The following TSPAN18 variants were observed in gnomAD, a reference collection of about 807,000 sequenced individuals.
TSPAN18 encodes the protein tetraspanin-18.
TSPAN18 carries 14 observed loss-of-function variants against 27.3 expected under a neutral mutation model. That is an observed-to-expected ratio of 0.51 (90% CI 0.34 to 0.80). The LOEUF (loss-of-function observed/expected upper bound fraction) is 0.80, where lower values mean the gene tolerates loss of function less well. Ranked by LOEUF, TSPAN18 falls within the 30% of genes least tolerant of loss-of-function variation. The pLI, the probability that TSPAN18 is intolerant of heterozygous loss-of-function variation, is 0.01. For missense variants in TSPAN18, 268 were observed against 323.9 expected (o/e 0.83, Z 1.32); for synonymous variants, 143 against 136.5 (o/e 1.05, Z -0.33).
chr11:44,921,539 C>T (rs1301660783), intron 8 of TSPAN18, among the ~76,000 whole-genome samples: 1 of 152,182 alleles, frequency 6.6e-6, no homozygotes. Flanking sequence ...ACTTGAGTCA[C>T]ATCCTTAAGA....
intron 1 of TSPAN18, among the ~76,000 whole-genome samples, chr11:44,751,257 G>C (rs1488281490): frequency 6.6e-6 from 1 of 152,166 alleles, no homozygotes; most frequent in African/African-American, 2.4e-5. Flanking sequence ...TTCTGGGAGT[G>C]GGTGGAGAAC....
intron 2 of TSPAN18, among the ~76,000 whole-genome samples, chr11:44,829,706 A>G (rs1857115764): frequency 6.6e-6 from 1 of 152,144 alleles, no homozygotes; most frequent in South Asian, 2.1e-4. Flanking sequence ...ATTAAGGAGT[A>G]CAATTTTTGG....
chr11:44,839,787 C>T (rs1857334635), intron 2 of TSPAN18, among the ~76,000 whole-genome samples: 1 of 152,132 alleles, frequency 6.6e-6, no homozygotes, highest in African/African-American at 2.4e-5. Context: ...CAGGGGGCAA[C>T]CAGAGGACAG....
At chr11:44,741,451 G>A (rs1470341640) in intron 1 of TSPAN18, among the ~76,000 whole-genome samples, 2 of 150,694 alleles carry the variant, frequency 1.3e-5, no homozygotes, top group Admixed American at 1.3e-4. Context: ...ACATGTATGT[G>A]TGTGTGTGTG....
chr11:44,733,212 A>G (rs1277353410), intron 1 of TSPAN18, among the ~76,000 whole-genome samples: 1 of 152,234 alleles, frequency 6.6e-6, no homozygotes, highest in East Asian at 1.9e-4. Context: ...TTACCCTAGT[A>G]GAGTGCTTTA....
At chr11:44,878,430 G>T (rs758723548) in intron 3 of TSPAN18, among the ~76,000 whole-genome samples, 4 of 152,154 alleles carry the variant, frequency 2.6e-5, no homozygotes, top group Middle Eastern at 3.2e-3. Flanking sequence ...CCCGGGGGAG[G>T]TTTCCTTTGG....
At chr11:44,894,394 C>G (rs1858964207) in intron 3 of TSPAN18, among the ~76,000 whole-genome samples, 1 of 152,248 alleles carries the variant, frequency 6.6e-6, no homozygotes. Flanking sequence ...CAGCCCAAAC[C>G]TTCCTCCACT....
intron 3 of TSPAN18, among the ~76,000 whole-genome samples, chr11:44,900,852 C>T (rs922128104): frequency 5.3e-5 from 8 of 151,918 alleles, no homozygotes; most frequent in African/African-American, 1.9e-4. Context: ...TGCCACCACC[C>T]CCAGCTAATT....
chr11:44,922,390 T>C (rs779097731), intron 8 of TSPAN18, among the ~76,000 whole-genome samples: 11 of 152,204 alleles, frequency 7.2e-5, no homozygotes, highest in Non-Finnish European at 1.6e-4. Context: ...AGTGCTGGGA[T>C]TACAGGCATG....
At chr11:44,928,690 G>A (rs1468635028) in intron 9 of TSPAN18, among the ~76,000 whole-genome samples, 1 of 152,192 alleles carries the variant, frequency 6.6e-6, no homozygotes, top group Non-Finnish European at 1.5e-5. Context: ...GGAGGCTGAG[G>A]CAGGAGAATT....
intron 8 of TSPAN18, among the ~76,000 whole-genome samples, chr11:44,922,954 CAAA>C (rs914500462): frequency 5.3e-5 from 8 of 152,116 alleles, no homozygotes; most frequent in African/African-American, 1.9e-4. Flanking sequence ...ACTAAAAATA[CAAA>C]AATTAGCCTG....
intron 1 of TSPAN18, among the ~76,000 whole-genome samples, chr11:44,734,589 T>C (rs1216039019): frequency 6.6e-6 from 1 of 152,254 alleles, no homozygotes; most frequent in East Asian, 1.9e-4. Flanking sequence ...CTTGGACTCC[T>C]GGTCGTTGGA....
intron 2 of TSPAN18, among the ~76,000 whole-genome samples, chr11:44,826,381 G>A (rs1445908682): frequency 1.3e-5 from 2 of 152,218 alleles, no homozygotes; most frequent in Admixed American, 6.5e-5. Flanking sequence ...TCGAGATGGC[G>A]CCATTGCACT....
intron 3 of TSPAN18, among the ~76,000 whole-genome samples, chr11:44,895,704 C>CT (rs1859019850): frequency 2.7e-5 from 1 of 37,586 alleles, no homozygotes; most frequent in Non-Finnish European, 7.3e-5. Context: ...GCCAGACATT[C>CT]CCCAGAGTTC....
Position 44,897,780 on chromosome 11 carries a change from C to A in TSPAN18, c.-10-8627C>A, listed in dbSNP as rs575948818. ...GGCCGATAAAAGAAATATACACAAG[C>A]CTCGCTGACGGGAGAGTCTGTCCTG... On this transcript the variant is annotated intron_variant, in intron 3 of 9. Transcript: ENST00000520358. 1.7e-4 allele frequency: 217 copies of A among 1,289,332 alleles called. No individual in the cohort carries two copies. In the African/African-American group the frequency reaches 2.8e-3, roughly 17 times the overall value. 79.9% of individuals were successfully genotyped at this position (1,289,332 alleles called of 1,614,324 possible). A position where few individuals can be genotyped will look rare whatever the true frequency, so the allele number is the denominator to read the frequency against.
chr11:44,918,036 T>C lies in TSPAN18; in HGVS notation c.323T>C (p.Phe108Ser). ...ELSAAILAFI[F>S]RENLTREFFT... is the part of the protein sequence containing the mutation. ...TCAGCAGCCATCCTGGCCTTCATCT[T>C]CAGGGAAAATGTACGTATCAGGCCC... The change falls in exon 6 of 10, where the codon TTC (phenylalanine) becomes TCC (serine). Residue 108 changes from phenylalanine to serine, a missense_variant. By Grantham distance (155) the Phe-to-Ser change is radical. Transcript: ENST00000520358. 2 of 1,614,076 alleles carry C rather than the reference T, an allele frequency of 1.2e-6. No homozygotes were observed. Among genetic ancestry groups the C allele is most frequent in the Admixed American group, 1.7e-5 (1 of 60,018 alleles).
intron 3 of TSPAN18, among the ~76,000 whole-genome samples, chr11:44,876,105 C>T (rs1304484805): frequency 1.3e-5 from 2 of 152,126 alleles, no homozygotes; most frequent in Non-Finnish European, 2.9e-5. Context: ...GAGGAAGGAC[C>T]CCTGTGCTTC....
At chr11:44,759,701 C>T (rs1565136706) in intron 1 of TSPAN18, among the ~76,000 whole-genome samples, 1 of 152,192 alleles carries the variant, frequency 6.6e-6, no homozygotes, top group Non-Finnish European at 1.5e-5. Flanking sequence ...ACCCATCCAT[C>T]CATTTCTCCT....
Position 44,906,474 on chromosome 11 carries a change from A to G in TSPAN18, c.58A>G (p.Ile20Val), listed in dbSNP as rs1240294247. Residue 20 changes from isoleucine (I) to valine (V), a missense_variant, in exon 4 of 10, where the codon ATA becomes GTA. Physicochemically the swap from Ile to Val is conservative, Grantham distance 29 (BLOSUM62 3). Coordinates refer to ENST00000520358, the MANE Select transcript of TSPAN18 (RefSeq NM_130783.5). ...TCTGATGTTTGTATTCAATTTCTTCATATTTGTAAGTATTCCTGGGTCTTC... is the reference window on the plus strand; with the variant it reads ...TCTGATGTTTGTATTCAATTTCTTCGTATTTGTAAGTATTCCTGGGTCTTC... ...KYLMFVFNFFIFLGGACLLAI... is the reference protein window; with the variant it reads ...KYLMFVFNFFVFLGGACLLAI... 3 of 1,614,012 alleles carry G rather than the reference A, an allele frequency of 1.9e-6. No homozygotes were observed. Among genetic ancestry groups the G allele is most frequent in the Middle Eastern group, 1.7e-4 (1 of 6,054 alleles).
Sources: gnomAD v4.1 joint callset for allele counts (sites outside exome capture counted in the v4.1 genomes callset) on GRCh38, gnomAD v4.1.1 for gene constraint, MANE v1.5 for transcripts, NCBI Gene and HGNC (gene_info 2026-07-23, HGNC 2026-07-21) for gene names.